Variants in SPMIP3 observed in about 807,000 individuals in gnomAD.
The protein encoded by SPMIP3 is protein SPMIP3.
chr1:244,371,026 TAC>T, the SPMIP3 span, among the ~76,000 whole-genome samples: 10 of 152,186 alleles, frequency 6.6e-5, no homozygotes, highest in Non-Finnish European at 1.5e-4. Flanking sequence ...GAACACAGGC[TAC>T]CTGGGGCTGT....
the SPMIP3 span, among the ~76,000 whole-genome samples, chr1:244,384,280 C>T: frequency 4.6e-5 from 7 of 152,164 alleles, no homozygotes; most frequent in East Asian, 3.9e-4. Context: ...CTCAGCTCAC[C>T]GCAGCCTTGG....
the SPMIP3 span, among the ~76,000 whole-genome samples, chr1:244,365,438 C>T: frequency 6.6e-6 from 1 of 152,198 alleles, no homozygotes; most frequent in Non-Finnish European, 1.5e-5. Context: ...CCTGAACAAA[C>T]TCTCTTGCCT....
the SPMIP3 span, among the ~76,000 whole-genome samples, chr1:244,374,069 G>C: frequency 2.0e-5 from 3 of 151,534 alleles, no homozygotes; most frequent in East Asian, 5.8e-4. Context: ...GCTGAGATTG[G>C]GCCACTGCAC....
the SPMIP3 span, among the ~76,000 whole-genome samples, chr1:244,354,450 G>C: frequency 6.7e-6 from 1 of 149,522 alleles, no homozygotes. Flanking sequence ...TCCACCTCCT[G>C]GTTCAAACGA....
At chr1:244,378,375 C>A in the SPMIP3 span, 1 of 1,313,502 alleles carries the variant, frequency 7.6e-7, no homozygotes, top group Non-Finnish European at 1.1e-6. Flanking sequence ...GTTAGCCTCA[C>A]GGCCGTTTCC....
the SPMIP3 span, among the ~76,000 whole-genome samples, chr1:244,366,467 TG>T: frequency 6.6e-6 from 1 of 152,240 alleles, no homozygotes; most frequent in East Asian, 1.9e-4. Context: ...CCCAGCCTCA[TG>T]TTTATTTTAA....
the SPMIP3 span, among the ~76,000 whole-genome samples, chr1:244,375,776 T>C: frequency 6.6e-6 from 1 of 152,104 alleles, no homozygotes; most frequent in South Asian, 2.1e-4. Context: ...GCAATTCTCA[T>C]GCCTCAGCCT....
the SPMIP3 span, chr1:244,378,491 A>C: frequency 1.2e-6 from 2 of 1,613,586 alleles, no homozygotes; most frequent in African/African-American, 1.3e-5. Flanking sequence ...TGACAATTCC[A>C]CCCAAGACAA....
chr1:244,364,763 T>C, the SPMIP3 span: 1 of 1,614,024 alleles, frequency 6.2e-7, no homozygotes, highest in Admixed American at 1.7e-5. Flanking sequence ...CAAGGTATAG[T>C]TCTTCCAGAT....
At chr1:244,378,398 C>A in the SPMIP3 span, 1 of 1,463,136 alleles carries the variant, frequency 6.8e-7, no homozygotes, top group Non-Finnish European at 9.3e-7. Flanking sequence ...GGAATGGATT[C>A]CAGCTGACGA....
the SPMIP3 span, chr1:244,388,860 T>C: frequency 1.0e-6 from 1 of 963,166 alleles, no homozygotes; most frequent in Non-Finnish European, 1.6e-6. Flanking sequence ...AAAGTTATTT[T>C]GTTACTGTGC....
the SPMIP3 span, among the ~76,000 whole-genome samples, chr1:244,355,313 T>C: frequency 3.3e-5 from 5 of 152,088 alleles, no homozygotes; most frequent in African/African-American, 1.2e-4. Flanking sequence ...TACCAGAGGG[T>C]AGTTGCTCTT....
At chr1:244,364,730 T>G in the SPMIP3 span, 16 of 1,614,168 alleles carry the variant, frequency 9.9e-6, no homozygotes, top group Middle Eastern at 1.6e-4. Context: ...GAGAATTTAT[T>G]GAGCGTCGCC....
chr1:244,354,315 G>C, the SPMIP3 span, among the ~76,000 whole-genome samples: 1 of 150,704 alleles, frequency 6.6e-6, no homozygotes, highest in Admixed American at 6.6e-5. Context: ...AACTGTTACT[G>C]GTTTCACTTG....
chr1:244,370,738 A>T, the SPMIP3 span, among the ~76,000 whole-genome samples: 1 of 152,242 alleles, frequency 6.6e-6, no homozygotes, highest in African/African-American at 2.4e-5. Context: ...TCTTATTAAA[A>T]CAAATCATCA....
At chr1:244,361,235 C>CTTT in the SPMIP3 span, among the ~76,000 whole-genome samples, 1 of 119,314 alleles carries the variant, frequency 8.4e-6, no homozygotes, top group Non-Finnish European at 1.7e-5. Context: ...TTCTTTCTTT[C>CTTT]TTTTTTTTTT....
the SPMIP3 span, among the ~76,000 whole-genome samples, chr1:244,353,406 A>G: frequency 6.6e-6 from 1 of 152,184 alleles, no homozygotes; most frequent in Admixed American, 6.5e-5. Context: ...AACAACAACA[A>G]CAACAAAAAA....
At chr1:244,370,553 G>C in the SPMIP3 span, among the ~76,000 whole-genome samples, 1 of 152,160 alleles carries the variant, frequency 6.6e-6, no homozygotes, top group Non-Finnish European at 1.5e-5. Context: ...CTAGTGCCTA[G>C]CCCACTGGAG....
chr1:244,380,577 C>T, the SPMIP3 span, among the ~76,000 whole-genome samples: 5 of 152,158 alleles, frequency 3.3e-5, no homozygotes, highest in African/African-American at 1.2e-4. Flanking sequence ...TATTAACTAG[C>T]CCCAGGTCAC....
Sources: allele counts gnomAD v4.1 joint callset (sites outside exome capture counted in the v4.1 genomes callset), GRCh38; gene constraint gnomAD v4.1.1; transcripts MANE v1.5; gene names NCBI Gene and HGNC (gene_info 2026-07-23, HGNC 2026-07-21).